ZNF76: variants seen among roughly 807,000 people sequenced by gnomAD.
ZNF76 encodes zinc finger protein 76.
ZNF76 carries 66 observed loss-of-function variants against 66.9 expected under a neutral mutation model. The observed-to-expected ratio is 0.99, with a 90% CI of 0.81 to 1.21. The LOEUF is 1.21. Among genes scored for constraint, ZNF76 ranks in the 50% most tolerant of loss-of-function variants. The probability of loss-of-function intolerance (pLI) is 0.00; values close to 1 mark genes in which losing one functional copy is unlikely to be tolerated. For synonymous variants in ZNF76, 275 were observed against 296.1 expected (o/e 0.93, Z 0.73); for missense variants, 729 against 760.3 (o/e 0.96, Z 0.48).
chr6:35,271,693 A>AT (rs1787088184), intron 1 of ZNF76, among the ~76,000 whole-genome samples: 2 of 148,682 alleles, frequency 1.3e-5, no homozygotes, highest in South Asian at 2.1e-4. Context: ...AAGAAAAAAA[A>AT]ATATATATAG....
Position 35,292,938 on chromosome 6 carries a change from C to A in ZNF76, c.1223C>A (p.Ser408Ter), listed in dbSNP as rs754015499. ...AAACGACCCCGGATAGCTTACCTTT[C>A]GGAGGTGAAGGAAGAGAGAGATGAC... ...PPKRPRIAYL[S>*]EVKEERDDIP... The change falls in exon 11 of 14, where the codon TCG (serine) becomes TAG (stop). Residue 408 changes from serine (S) to a stop codon, truncating the protein, a stop_gained. Transcript: ENST00000373953. LOFTEE classifies it high-confidence loss of function. This position sits in a 1 kb window ranked among gnomAD's most constrained non-coding sequence, Gnocchi z 4.7. The A allele has an allele frequency of 6.2e-7, 1 of 1,614,188 alleles. No homozygotes were observed. Among genetic ancestry groups the A allele is most frequent in the Non-Finnish European group, 8.5e-7 (1 of 1,180,034 alleles).
At position 35,294,487 on chromosome 6, in the gene ZNF76, C is replaced by G. The variant is rs758376254; in HGVS notation, c.1526C>G (p.Ala509Gly). ...ATCATTACCTCTGGGGCTGTGGTGG[C>G]TGAGGACTCAAGTGTAGCATCTCTT... ...VTIITSGAVVAEDSSVASLRH... is the reference protein window; with the variant it reads ...VTIITSGAVVGEDSSVASLRH... The change falls in exon 13 of 14, where the codon GCT becomes GGT. Residue 509 changes from alanine to glycine, a missense_variant. By Grantham distance (60) the Ala-to-Gly change is moderately conservative. Transcript: ENST00000373953. 1.2e-6 allele frequency: 2 copies of G among 1,613,914 alleles called. No individual in the cohort carries two copies. The highest frequency in any genetic ancestry group is 2.2e-5 in the South Asian group (2 of 91,082).
intron 7 of ZNF76, 160 bp downstream of exon 7, chr6:35,290,876 G>T: frequency 1.4e-6 from 1 of 692,618 alleles, no homozygotes. Context: ...ACCTTGTTAC[G>T]GGAGTGCAAG....
chr6:35,272,821 G>T (rs893711895), intron 1 of ZNF76, among the ~76,000 whole-genome samples: 1 of 152,076 alleles, frequency 6.6e-6, no homozygotes, highest in African/African-American at 2.4e-5. Context: ...TGTAGAGACG[G>T]TGTCTGCACC....
intron 1 of ZNF76, among the ~76,000 whole-genome samples, chr6:35,269,272 C>T (rs1786628587): frequency 2.2e-5 from 2 of 91,014 alleles, no homozygotes; most frequent in East Asian, 2.8e-4. Context: ...CAGAGCGAGA[C>T]TCTGTCTCAA....
intron 1 of ZNF76, among the ~76,000 whole-genome samples, chr6:35,270,205 T>C (rs987937427): frequency 1.3e-5 from 2 of 152,142 alleles, no homozygotes; most frequent in African/African-American, 4.8e-5. Context: ...GGTGCAATCT[T>C]GGCTCACAGC....
intron 1 of ZNF76, chr6:35,270,290 C>G (rs949925206): frequency 3.3e-5 from 5 of 152,116 alleles, no homozygotes; most frequent in African/African-American, 1.2e-4. Context: ...GCACGTGCCA[C>G]CATGCCCAGC....
rs746905273 is a variant in ZNF76 at position 35,292,789 on chromosome 6, T to TC, written c.1165+2_1165+3insC. 10 of 1,613,524 alleles carry TC rather than the reference T, an allele frequency of 6.2e-6. No homozygotes were observed. The highest frequency in any genetic ancestry group is 1.7e-5 in the Admixed American group (1 of 59,962). On this transcript the variant is annotated splice_region_variant and intron_variant, in intron 10 of 13. Coordinates refer to ENST00000373953, the MANE Select transcript of ZNF76 (RefSeq NM_003427.5). This position sits in a 1 kb window ranked among gnomAD's most constrained non-coding sequence, Gnocchi z 4.7. ...TCTATGAGCAGCAGCAACTTGAGGG[T>TC]AAGGGGAGTGGGCAGAGGGTGAGAG...
At chr6:35,278,321 A>C (rs1181543733) in intron 1 of ZNF76, among the ~76,000 whole-genome samples, 1 of 152,142 alleles carries the variant, frequency 6.6e-6, no homozygotes, top group African/African-American at 2.4e-5. Context: ...GGCATGTGCC[A>C]CCATGCCCAG....
intron 1 of ZNF76, among the ~76,000 whole-genome samples, chr6:35,274,413 T>C (rs1787582115): frequency 6.6e-6 from 1 of 152,248 alleles, no homozygotes; most frequent in African/African-American, 2.4e-5. Flanking sequence ...GCCCAGCTTG[T>C]GTGTGGAGCG....
In ZNF76 at chr6:35,281,202, C is replaced by G. The variant is rs775483063; in HGVS notation, c.51C>G (p.Ala17=). The G allele has an allele frequency of 7.4e-6, 12 of 1,613,738 alleles. No homozygotes were observed. The East Asian group carries it at 2.0e-4, about 27-fold the overall frequency. Residue 17 remains alanine, a synonymous_variant, in exon 2 of 14, where the codon GCC becomes GCG. Coordinates refer to ENST00000373953, the MANE Select transcript of ZNF76 (RefSeq NM_003427.5). ...TGACCCTTAGTGATGGGACAACAGC[C>G]TACGTCCAGCAAGCTGTCAAAGGTA... ...HTVTLSDGTT[A]YVQQAVKGEK... is the part of the protein sequence containing the mutation.
intron 1 of ZNF76, among the ~76,000 whole-genome samples, chr6:35,273,285 G>C (rs1582071552): frequency 6.6e-6 from 1 of 151,272 alleles, no homozygotes; most frequent in East Asian, 2.1e-4. Context: ...CGATTATCTT[G>C]CCTCAGCCTC....
intron 2 of ZNF76, among the ~76,000 whole-genome samples, chr6:35,283,914 G>A (rs1199699452): frequency 6.6e-6 from 1 of 152,096 alleles, no homozygotes; most frequent in East Asian, 1.9e-4. Flanking sequence ...AGGACTGTTA[G>A]TTACTGACCC....
At chr6:35,260,049 C>T (rs907232984) in intron 1 of ZNF76, among the ~76,000 whole-genome samples, 6 of 151,936 alleles carry the variant, frequency 3.9e-5, no homozygotes, top group African/African-American at 1.5e-4. Flanking sequence ...CCGTGACTCC[C>T]AAACCTCACC....
chr6:35,281,020 G>A (rs1788699513), intron 1 of ZNF76, 36 bp from the exon 2 acceptor site: 1 of 865,192 alleles, frequency 1.2e-6, no homozygotes. Context: ...GGAGAAAGCT[G>A]GTTAACTCAT....
chr6:35,264,724 T>A (rs1009314759), intron 1 of ZNF76, among the ~76,000 whole-genome samples: 1 of 152,142 alleles, frequency 6.6e-6, no homozygotes, highest in Non-Finnish European at 1.5e-5. Context: ...AGTCCTAACC[T>A]TTCTCTGACC....
intron 1 of ZNF76, among the ~76,000 whole-genome samples, chr6:35,268,252 G>A (rs1231753433): frequency 6.6e-6 from 1 of 152,126 alleles, no homozygotes; most frequent in Non-Finnish European, 1.5e-5. Context: ...AACACACTCC[G>A]TGGCAGTGTA....
Position 35,287,930 on chromosome 6 carries a change from C to T in ZNF76, c.432+85C>T, listed in dbSNP as rs550427549. On this transcript the variant is annotated intron_variant, in intron 5 of 13. Coordinates refer to ENST00000373953, the MANE Select transcript of ZNF76 (RefSeq NM_003427.5). The surrounding 1 kb of genome is among the most constrained non-coding windows in gnomAD (Gnocchi z 4.0). Reference sequence around the variant, plus strand: ...CTGCCTCTTGGCCCTGCCAGAACTTCACCTCTCAAGAGGACAAGGGCAGCC... The same window carrying T: ...CTGCCTCTTGGCCCTGCCAGAACTTTACCTCTCAAGAGGACAAGGGCAGCC... 5.5e-6 allele frequency: 8 copies of T among 1,460,294 alleles called. No homozygotes were observed. The highest frequency in any genetic ancestry group is 1.2e-5 in the South Asian group (1 of 82,286). The allele number at this position is 1,460,294 out of a possible 1,614,324, so 90.5% of individuals were successfully genotyped here.
intron 1 of ZNF76, among the ~76,000 whole-genome samples, chr6:35,275,459 T>A (rs1230017539): frequency 4.6e-5 from 7 of 152,158 alleles, no homozygotes; most frequent in Non-Finnish European, 7.4e-5. Context: ...AACAAGCCTT[T>A]CTTTGGCTCT....
Sources: gnomAD v4.1 joint callset for allele counts (sites outside exome capture counted in the v4.1 genomes callset) on GRCh38, gnomAD v4.1.1 for gene constraint, Gnocchi (gnomAD v3.1) non-coding constraint, MANE v1.5 for transcripts, NCBI Gene and HGNC (gene_info 2026-07-23, HGNC 2026-07-21) for gene names.